The following MARCHF1 variants were observed in gnomAD, a reference collection of about 807,000 sequenced individuals.
MARCHF1 encodes E3 ubiquitin-protein ligase MARCHF1.
In MARCHF1, 40 loss-of-function variants were observed where a neutral mutation model predicts 54.2. That is an observed-to-expected ratio of 0.74 (90% CI 0.57 to 0.96). The LOEUF is 0.96. Among genes scored for constraint, MARCHF1 ranks in the 40% least tolerant of loss-of-function variants. The probability of loss-of-function intolerance (pLI) is 0.00; values close to 1 mark genes in which losing one functional copy is unlikely to be tolerated. For synonymous variants in MARCHF1, 236 were observed against 236.3 expected (o/e 1.00, Z 0.01); for missense variants, 586 against 656.5 (o/e 0.89, Z 1.17).
rs1732423364 is a variant in MARCHF1, at chr4:164,231,892, C to A, written c.-322-120230G>T. The stretch of plus-strand genomic sequence containing the variant: ...TCAGGCCCTAATTACTAATTACGGA[C>A]AACTATATGCTTTGACACTATAATT... On this transcript the variant is annotated intron_variant, in intron 1 of 9. Transcript: ENST00000514618. 2.0e-5 allele frequency among the ~76,000 whole-genome samples: 3 copies of A among 152,128 alleles called. No homozygotes were observed. In the South Asian group the frequency reaches 6.2e-4, roughly 32 times the overall value.
chr4:164,295,455 CA>C (rs1170957001), intron 1 of MARCHF1, among the ~76,000 whole-genome samples: 1 of 151,942 alleles, frequency 6.6e-6, no homozygotes, highest in African/African-American at 2.4e-5. Flanking sequence ...CAAACACACA[CA>C]CACACACACA....
chr4:164,012,205 T>C (rs892139104), intron 2 of MARCHF1, among the ~76,000 whole-genome samples: 1 of 152,102 alleles, frequency 6.6e-6, no homozygotes, highest in Non-Finnish European at 1.5e-5. Flanking sequence ...GCAGGGAACT[T>C]GGGGTGCAAC....
intron 1 of MARCHF1, among the ~76,000 whole-genome samples, chr4:164,201,981 A>G (rs1731466328): frequency 6.6e-6 from 1 of 152,228 alleles, no homozygotes; most frequent in Non-Finnish European, 1.5e-5. Context: ...ACAAATATTT[A>G]TTGAGCATTC....
chr4:163,780,074 G>A (rs1747420616), intron 4 of MARCHF1, among the ~76,000 whole-genome samples: 1 of 152,186 alleles, frequency 6.6e-6, no homozygotes, highest in Admixed American at 6.5e-5. Flanking sequence ...AGCCCATTGA[G>A]TGGACAAAAT....
chr4:163,787,755 C>G (rs1747662409), intron 4 of MARCHF1, among the ~76,000 whole-genome samples: 1 of 151,904 alleles, frequency 6.6e-6, no homozygotes, highest in African/African-American at 2.4e-5. Context: ...AAAGCACGAT[C>G]TTAAAGAAAT....
At chr4:163,885,330 A>T (rs1404587293) in intron 3 of MARCHF1, among the ~76,000 whole-genome samples, 1 of 152,176 alleles carries the variant, frequency 6.6e-6, no homozygotes, top group Non-Finnish European at 1.5e-5. Context: ...TAGTTTAATA[A>T]ATTAACCCTG....
intron 3 of MARCHF1, among the ~76,000 whole-genome samples, chr4:163,933,534 G>A (rs1056869650): frequency 2.6e-5 from 4 of 152,132 alleles, no homozygotes; most frequent in Non-Finnish European, 2.9e-5. Context: ...AATGTATCTG[G>A]TATTTAAGTA....
In MARCHF1 at chr4:164,097,410, T is replaced by C. The variant is rs138097428; in HGVS notation, c.-248+14178A>G. Among the ~76,000 whole-genome samples the C allele has an allele frequency of 8.5e-3, 1,294 of 152,298 alleles. 19 individuals are homozygous for C. Among genetic ancestry groups the C allele is most frequent in the East Asian group, 0.051 (264 of 5,182 alleles). ...ATTAGCGATATCTTTGAAATTTTCATTTAAGAAATTATTTCATACCATATT... is the reference window on the plus strand; with the variant it reads ...ATTAGCGATATCTTTGAAATTTTCACTTAAGAAATTATTTCATACCATATT... On this transcript the variant is annotated intron_variant, in intron 2 of 9. Coordinates refer to ENST00000514618, the MANE Select transcript of MARCHF1 (RefSeq NM_001394959.1).
chr4:163,582,273 G>T (rs776430806), intron 8 of MARCHF1, among the ~76,000 whole-genome samples: 24 of 152,114 alleles, frequency 1.6e-4, no homozygotes, highest in Admixed American at 3.9e-4. Context: ...AGATTAATGA[G>T]ACTTTTATTA....
At chr4:163,584,160 TC>T (rs1740330503) in intron 8 of MARCHF1, 1 of 151,040 alleles carries the variant, frequency 6.6e-6, no homozygotes, top group African/African-American at 2.4e-5. Context: ...TTTTCAAGTT[TC>T]TTCTCAGCAG....
chr4:164,285,881 A>G (rs1228122468), intron 1 of MARCHF1, among the ~76,000 whole-genome samples: 1 of 151,376 alleles, frequency 6.6e-6, no homozygotes, highest in Non-Finnish European at 1.5e-5. Context: ...ATAAAAATTA[A>G]TGATAACTAA....
At chr4:164,295,866 C>T (rs1163898609) in intron 1 of MARCHF1, among the ~76,000 whole-genome samples, 10 of 152,030 alleles carry the variant, frequency 6.6e-5, no homozygotes, top group Admixed American at 3.3e-4. Flanking sequence ...GGTGGTTATA[C>T]TTGAGAGTTA....
chr4:164,331,448 A>G (rs1006576355), intron 1 of MARCHF1, among the ~76,000 whole-genome samples: 1 of 152,224 alleles, frequency 6.6e-6, no homozygotes, highest in Non-Finnish European at 1.5e-5. Context: ...AGACTCCTCA[A>G]TCATACAATT....
At chr4:163,636,823 T>C (rs1322873523) in intron 5 of MARCHF1, among the ~76,000 whole-genome samples, 4 of 152,198 alleles carry the variant, frequency 2.6e-5, no homozygotes, top group African/African-American at 9.7e-5. Flanking sequence ...GCTGGAGGCA[T>C]CACACTACCT....
intron 1 of MARCHF1, among the ~76,000 whole-genome samples, chr4:164,230,976 T>C (rs1732399558): frequency 6.6e-6 from 1 of 152,108 alleles, no homozygotes; most frequent in African/African-American, 2.4e-5. Context: ...GAACAATAGA[T>C]ATGTAAAAAT....
chr4:164,292,705 C>T lies in MARCHF1; in HGVS notation c.-323+91165G>A, dbSNP rs543471141. Among the ~76,000 whole-genome samples, 20 of 152,008 alleles carry T rather than the reference C, an allele frequency of 1.3e-4. No homozygotes were observed. In the South Asian group the frequency reaches 2.1e-3, roughly 16 times the overall value. On this transcript the variant is annotated intron_variant, in intron 1 of 9. Transcript: ENST00000514618. ...GCAAATTGCATATCAATTTCAGAAA[C>T]GTTAAAATGTATAAAATAAGTGCAT...
intron 4 of MARCHF1, among the ~76,000 whole-genome samples, chr4:163,842,126 G>T (rs1284130497): frequency 6.6e-6 from 1 of 152,052 alleles, no homozygotes; most frequent in African/African-American, 2.4e-5. Context: ...CTAAAAAAGA[G>T]AATCTATTAA....
At chr4:163,885,433 G>A (rs1258653227) in intron 3 of MARCHF1, among the ~76,000 whole-genome samples, 1 of 151,942 alleles carries the variant, frequency 6.6e-6, no homozygotes, top group African/African-American at 2.4e-5. Context: ...ACAACTCATA[G>A]GAAAAAGGAA....
At chr4:164,314,932 T>C (rs1230904777) in intron 1 of MARCHF1, among the ~76,000 whole-genome samples, 1 of 152,182 alleles carries the variant, frequency 6.6e-6, no homozygotes, top group Non-Finnish European at 1.5e-5. Context: ...TTGATTACGT[T>C]CGCTAAAAAC....
Sources: allele counts gnomAD v4.1 joint callset (sites outside exome capture counted in the v4.1 genomes callset), GRCh38; gene constraint gnomAD v4.1.1; transcripts MANE v1.5; gene names NCBI Gene and HGNC (gene_info 2026-07-23, HGNC 2026-07-21).